SLC25A21: variants seen among roughly 807,000 people sequenced by gnomAD.
The protein encoded by SLC25A21 is mitochondrial 2-oxodicarboxylate carrier.
A neutral mutation model predicts 43.8 loss-of-function variants in SLC25A21; 47 were observed. The observed-to-expected ratio is 1.07, with a 90% CI of 0.85 to 1.37. The LOEUF (loss-of-function observed/expected upper bound fraction) is 1.37. SLC25A21 is among the 40% of genes most tolerant of loss of function. The probability of loss-of-function intolerance (pLI) is 0.00; values close to 1 mark genes in which losing one functional copy is unlikely to be tolerated. For synonymous variants in SLC25A21, 131 were observed against 121.3 expected, an observed-to-expected ratio of 1.08 and a Z score of -0.52; for missense variants, 352 against 350.2, an observed-to-expected ratio of 1.00 and a Z score of -0.04.
intron 1 of SLC25A21, chr14:36,952,167 G>C (rs1892827477): frequency 6.6e-6 from 1 of 152,588 alleles, no homozygotes; most frequent in South Asian, 2.1e-4. Context: ...AGGAGGTGGA[G>C]GTGCAGTGAG....
chr14:36,749,167 A>G (rs1885610391), intron 3 of SLC25A21, among the ~76,000 whole-genome samples: 1 of 152,084 alleles, frequency 6.6e-6, no homozygotes, highest in South Asian at 2.1e-4. Flanking sequence ...CTGTCCATAA[A>G]TCCTCTACTA....
intron 1 of SLC25A21, among the ~76,000 whole-genome samples, chr14:37,124,677 G>A (rs1963266818): frequency 6.6e-6 from 1 of 152,146 alleles, no homozygotes; most frequent in Admixed American, 6.6e-5. Context: ...GATGTGGTTT[G>A]GATCTGTGTC....
chr14:36,906,852 TG>T (rs1891549662), intron 1 of SLC25A21, among the ~76,000 whole-genome samples: 1 of 152,102 alleles, frequency 6.6e-6, no homozygotes, highest in African/African-American at 2.4e-5. Flanking sequence ...TGTGAGGGTC[TG>T]CACTGGTCCT....
chr14:36,716,998 A>G (rs1884168910), intron 6 of SLC25A21, among the ~76,000 whole-genome samples: 1 of 152,218 alleles, frequency 6.6e-6, no homozygotes, highest in Non-Finnish European at 1.5e-5. Context: ...CATAGCTGGA[A>G]AGCAAACCGG....
chr14:36,875,149 C>CCT, intron 1 of SLC25A21, 145 bp from the exon 2 acceptor site: 1 of 512,786 alleles, frequency 2.0e-6, no homozygotes, highest in Admixed American at 3.8e-5. Flanking sequence ...AGGCTAGTGG[C>CCT]AAAAGACAGA....
intron 1 of SLC25A21, among the ~76,000 whole-genome samples, chr14:37,085,831 C>T (rs1300310843): frequency 6.6e-6 from 1 of 152,132 alleles, no homozygotes; most frequent in Non-Finnish European, 1.5e-5. Flanking sequence ...CTTGGCCGGC[C>T]GCGGTGGCTT....
At chr14:36,931,739 GGAGTTAGAA>G (rs1892299071) in intron 1 of SLC25A21, among the ~76,000 whole-genome samples, 1 of 17,180 alleles carries the variant, frequency 5.8e-5, no homozygotes, top group African/African-American at 2.3e-4. Flanking sequence ...CAAAAGACAT[GGAGTTAGAA>G]CATGGAGTTA....
intron 7 of SLC25A21, 108 bp downstream of exon 7, chr14:36,711,210 G>A: frequency 1.1e-6 from 1 of 938,434 alleles, no homozygotes; most frequent in Non-Finnish European, 1.6e-6. Context: ...TTAGATAATA[G>A]ATGTAGGTGT....
chr14:37,032,449 T>C (rs1397177873), intron 1 of SLC25A21, among the ~76,000 whole-genome samples: 1 of 152,078 alleles, frequency 6.6e-6, no homozygotes, highest in Admixed American at 6.5e-5. Context: ...GGCAGGAGAA[T>C]GGCGTGAACC....
chr14:37,038,750 G>C (rs1676329357), intron 1 of SLC25A21, among the ~76,000 whole-genome samples: 3 of 152,068 alleles, frequency 2.0e-5, no homozygotes, highest in African/African-American at 7.2e-5. Flanking sequence ...TAGTTGTTAG[G>C]GGTGCTTTTC....
intron 1 of SLC25A21, among the ~76,000 whole-genome samples, chr14:36,905,317 T>C (rs1265664824): frequency 6.6e-6 from 1 of 152,066 alleles, no homozygotes; most frequent in Admixed American, 6.6e-5. Flanking sequence ...TGGGTTAGAG[T>C]GAGGTTGCAC....
chr14:36,694,880 T>C (rs1230655932), intron 7 of SLC25A21, among the ~76,000 whole-genome samples: 1 of 152,228 alleles, frequency 6.6e-6, no homozygotes, highest in Non-Finnish European at 1.5e-5. Context: ...CTGATGGTAG[T>C]TTCTTTTGCC....
intron 1 of SLC25A21, among the ~76,000 whole-genome samples, chr14:37,078,941 A>C (rs1326047595): frequency 6.6e-6 from 1 of 151,950 alleles, no homozygotes; most frequent in Non-Finnish European, 1.5e-5. Flanking sequence ...GTATGACTTC[A>C]CTTGAGGTAA....
chr14:37,168,467 T>C (rs1057155460), intron 1 of SLC25A21, among the ~76,000 whole-genome samples: 2 of 152,014 alleles, frequency 1.3e-5, no homozygotes, highest in African/African-American at 4.8e-5. Flanking sequence ...TTATAGAAAA[T>C]ACCTATTGCC....
intron 1 of SLC25A21, among the ~76,000 whole-genome samples, chr14:37,123,794 G>A (rs1228090421): frequency 6.6e-6 from 1 of 152,124 alleles, no homozygotes; most frequent in Non-Finnish European, 1.5e-5. Flanking sequence ...GCTAAGGCAA[G>A]AAGATCATTT....
At chr14:37,080,422 G>C (rs1962363722) in intron 1 of SLC25A21, among the ~76,000 whole-genome samples, 1 of 152,116 alleles carries the variant, frequency 6.6e-6, no homozygotes, top group Non-Finnish European at 1.5e-5. Flanking sequence ...GTAAGACCCT[G>C]TCTCTACAAA....
At chr14:37,003,543 A>G (rs1388244164) in intron 1 of SLC25A21, among the ~76,000 whole-genome samples, 1 of 152,222 alleles carries the variant, frequency 6.6e-6, no homozygotes, top group African/African-American at 2.4e-5. Context: ...CATCAACACA[A>G]GTTGGAATAT....
At chr14:36,898,623 G>A (rs1008794046) in intron 1 of SLC25A21, among the ~76,000 whole-genome samples, 7 of 152,128 alleles carry the variant, frequency 4.6e-5, no homozygotes, top group African/African-American at 1.2e-4. Context: ...CTTCTGCGTC[G>A]CTCATGCTGG....
Position 36,698,122 on chromosome 14 carries a change from C to T in SLC25A21, c.603+13196G>A, listed in dbSNP as rs559129861. Among the ~76,000 whole-genome samples the T allele has an allele frequency of 6.3e-3, 955 of 152,218 alleles. 7 individuals are homozygous for T. The highest frequency in any genetic ancestry group is 0.014 in the Middle Eastern group (4 of 294). On this transcript the variant is annotated intron_variant, in intron 7 of 9. Coordinates refer to ENST00000331299, the MANE Select transcript of SLC25A21 (RefSeq NM_030631.4). ...AAGGCAGGCCTGGTGGTGACAAAAT[C>T]TCTTGGCATTTGCTTGTCTGTAAAG...
Sources: gnomAD v4.1 joint callset for allele counts (sites outside exome capture counted in the v4.1 genomes callset) on GRCh38, gnomAD v4.1.1 for gene constraint, MANE v1.5 for transcripts, NCBI Gene and HGNC (gene_info 2026-07-23, HGNC 2026-07-21) for gene names.